The following RFPL3 variants were observed in gnomAD, a reference collection of about 807,000 sequenced individuals.
The protein encoded by RFPL3 is ret finger protein like 3.
In RFPL3, 8 loss-of-function variants were observed where a neutral mutation model predicts 8.7. The observed-to-expected ratio is 0.92, with a 90% CI of 0.54 to 1.66. The LOEUF (loss-of-function observed/expected upper bound fraction) is 1.66. Ranked by LOEUF, RFPL3 falls within the 40% of genes most tolerant of loss-of-function variation. RFPL3 has a pLI of 0.00. For synonymous variants in RFPL3, 145 were observed against 150.5 expected (o/e 0.96, Z 0.27); for missense variants, 341 against 395.0 (o/e 0.86, Z 1.16).
At position 32,360,855 on chromosome 22, in the gene RFPL3, G is replaced by C. The variant is rs1298258567; in HGVS notation, c.*23G>C. On this transcript the variant is annotated 3_prime_UTR_variant, in exon 2 of 2. Coordinates refer to ENST00000249007, the MANE Select transcript of RFPL3 (RefSeq NM_001098535.1). ...TAAGCCGCCACTGCAAAAAAAAACAGGGTCAGAAAATTACTTGGGTGGGTA... is the reference window on the plus strand; with the variant it reads ...TAAGCCGCCACTGCAAAAAAAAACACGGTCAGAAAATTACTTGGGTGGGTA... The C allele has an allele frequency of 1.2e-5, 18 of 1,505,866 alleles. No individual in the cohort carries two copies. The highest frequency in any genetic ancestry group is 1.6e-5 in the Non-Finnish European group (18 of 1,128,524). 93.3% of individuals were successfully genotyped at this position (1,505,866 alleles called of 1,614,324 possible).
rs1932722116 is a variant in RFPL3 at position 32,357,963 on chromosome 22, C to T, written c.-109C>T. 2 of 1,541,382 alleles carry T rather than the reference C, an allele frequency of 1.3e-6. No individual in the cohort carries two copies. Among genetic ancestry groups the T allele is most frequent in the African/African-American group, 2.8e-5 (2 of 72,608 alleles). On this transcript the variant is annotated 5_prime_UTR_variant, in exon 1 of 2. Transcript: ENST00000249007. ...GCACAGTGATGATTCGTGACTTTCC[C>T]AATAGAACTTCAAATCTCTGAGGAC...
In RFPL3 at chr22:32,360,496, G is replaced by A; in HGVS notation, c.618G>A (p.Lys206=). The change falls in exon 2 of 2, where the codon AAG becomes AAA. Residue 206 remains lysine (K), a synonymous_variant. Coordinates refer to ENST00000249007, the MANE Select transcript of RFPL3 (RefSeq NM_001098535.1). ...VCRESVHCKG[K]IQLTTELGFW... ...GAGAATCTGTTCACTGCAAAGGGAA[G>A]ATCCAGCTGACCACAGAGCTTGGAT... 1.2e-6 allele frequency: 2 copies of A among 1,613,986 alleles called. No homozygotes were observed. The highest frequency in any genetic ancestry group is 1.7e-6 in the Non-Finnish European group (2 of 1,179,866).
chr22:32,360,305 G>T lies in RFPL3; in HGVS notation c.427G>T (p.Asp143Tyr). ...CAACAACTTCCTCCTCATTTCTGAC[G>T]ACCTCAGGAGCGTCCGAAGTGGGCT... ...TANNFLLISD[D>Y]LRSVRSGLIT... The change falls in exon 2 of 2, where the codon GAC (aspartate) becomes TAC (tyrosine). Residue 143 changes from aspartate to tyrosine, a missense_variant. By Grantham distance (160) the Asp-to-Tyr change is radical. Coordinates refer to ENST00000249007, the MANE Select transcript of RFPL3 (RefSeq NM_001098535.1). The T allele has an allele frequency of 6.2e-7, 1 of 1,613,784 alleles. No homozygotes were observed. The highest frequency in any genetic ancestry group is 8.5e-7 in the Non-Finnish European group (1 of 1,179,808).
At position 32,358,242 on chromosome 22, in the gene RFPL3, C is replaced by T. The variant is rs757859838; in HGVS notation, c.171C>T (p.Cys57=). 2.5e-6 allele frequency: 4 copies of T among 1,613,984 alleles called. No homozygotes were observed. Among genetic ancestry groups the T allele is most frequent in the Admixed American group, 1.7e-5 (1 of 60,012 alleles). ...AACCAATGTCCCTGGAGTGTGGATG[C>T]ACCGTCTGCCTCAAGTGCATCAATT... ...LEKPMSLECG[C]TVCLKCINSL... The change falls in exon 1 of 2, where the codon TGC becomes TGT. Residue 57 remains cysteine, a synonymous_variant. Coordinates refer to ENST00000249007, the MANE Select transcript of RFPL3 (RefSeq NM_001098535.1).
chr22:32,356,793 G>C, upstream of RFPL3: 1 of 393,910 alleles, frequency 2.5e-6, no homozygotes, highest in Non-Finnish European at 5.0e-6. Flanking sequence ...GCTTCTGGCT[G>C]TGTGCTTGTT....
chr22:32,355,237 TA>T (rs1932625248), upstream of RFPL3, among the ~76,000 whole-genome samples: 1 of 147,910 alleles, frequency 6.8e-6, no homozygotes, highest in South Asian at 2.1e-4. Context: ...AACATGCAAA[TA>T]AAGCCCAATC....
At chr22:32,357,656 A>G (rs1932713179), upstream of RFPL3, among the ~76,000 whole-genome samples, 1 of 152,124 alleles carries the variant, frequency 6.6e-6, no homozygotes, top group African/African-American at 2.4e-5. Context: ...TTCAGTAGAG[A>G]TGGGGTTTCA....
chr22:32,358,329 G>C lies in RFPL3; in HGVS notation c.258G>C (p.Gln86His), dbSNP rs779301569. ...GCTGTTGCTGTTCCATGGTCTCTCAGAGGAACAAAATCAGGCCCAATCGGC... is the reference window on the plus strand; with the variant it reads ...GCTGTTGCTGTTCCATGGTCTCTCACAGGAACAAAATCAGGCCCAATCGGC... ...LLCCCCSMVS[Q>H]RNKIRPNRQL... The change falls in exon 1 of 2, where the codon CAG becomes CAC. Residue 86 changes from glutamine to histidine, a missense_variant. Coordinates refer to ENST00000249007, the MANE Select transcript of RFPL3 (RefSeq NM_001098535.1). 4 of 1,614,138 alleles carry C rather than the reference G, an allele frequency of 2.5e-6. No individual in the cohort carries two copies. In the East Asian group the frequency reaches 8.9e-5, roughly 36 times the overall value.
At position 32,360,287 on chromosome 22, in the gene RFPL3, TTCC is replaced by T. The variant is rs1268142583; in HGVS notation, c.415_417del (p.Leu139del). ...CTTGGATGCCGACACAGCCAACAACTTCCTCCTCATTTCTGACGACCTCAGGAG... is the reference window on the plus strand; with the variant it reads ...CTTGGATGCCGACACAGCCAACAACTTCCTCATTTCTGACGACCTCAGGAG... On this transcript the variant is annotated inframe_deletion, in exon 2 of 2. Transcript: ENST00000249007. 1.2e-5 allele frequency: 19 copies of T among 1,613,728 alleles called. No homozygotes were observed. The highest frequency in any genetic ancestry group is 1.5e-5 in the Non-Finnish European group (18 of 1,179,762).
In RFPL3 at chr22:32,358,563, C is replaced by T. The variant is rs1013991092; in HGVS notation, c.373+119C>T. ...CTGTCTGGCACCTAAAATTGAGATG[C>T]TTCATCATCACATTCTCAGCCCTGA... is the stretch of plus-strand genomic sequence containing the variant. On this transcript the variant is annotated intron_variant, in intron 1 of 1. Transcript: ENST00000249007. The T allele has an allele frequency of 3.6e-6, 5 of 1,388,390 alleles. No homozygotes were observed. In the Admixed American group the frequency reaches 9.1e-5, roughly 25 times the overall value. The allele number at this position is 1,388,390 out of a possible 1,614,324, so 86.0% of individuals were successfully genotyped here. A position where few individuals can be genotyped will look rare whatever the true frequency, so the allele number is the denominator to read the frequency against.
chr22:32,355,178 G>A (rs75041372), upstream of RFPL3, among the ~76,000 whole-genome samples: 10,813 of 152,090 alleles, frequency 0.071, 813 homozygotes, highest in East Asian at 0.45. Context: ...ATTGGACTTT[G>A]TTATCATGTT....
upstream of RFPL3, chr22:32,357,060 A>G (rs1179290894): frequency 2.7e-6 from 1 of 375,950 alleles, no homozygotes; most frequent in Non-Finnish European, 5.2e-6. Flanking sequence ...CAGTGTATGA[A>G]GAGGGGTCAG....
At chr22:32,356,054 C>G (rs1445652796), upstream of RFPL3, among the ~76,000 whole-genome samples, 1 of 152,026 alleles carries the variant, frequency 6.6e-6, no homozygotes, top group Non-Finnish European at 1.5e-5. Flanking sequence ...GAGGCGGGCC[C>G]CAAATGTAAG....
chr22:32,357,407 G>T (rs1281178202), upstream of RFPL3, among the ~76,000 whole-genome samples: 3 of 151,882 alleles, frequency 2.0e-5, no homozygotes, highest in Non-Finnish European at 4.4e-5. Context: ...TGGGCTCAAG[G>T]GATCTTCCTG....
chr22:32,360,899 T>C lies in RFPL3; in HGVS notation c.*67T>C, dbSNP rs1292586118. 4 of 1,448,100 alleles carry C rather than the reference T, an allele frequency of 2.8e-6. No individual in the cohort carries two copies. Among genetic ancestry groups the C allele is most frequent in the Non-Finnish European group, 3.7e-6 (4 of 1,078,320 alleles). The allele number at this position is 1,448,100 out of a possible 1,614,324, so 89.7% of individuals were successfully genotyped here. ...GTGGGTAGACTTAGGAATTTTCTAC[T>C]TGGTAAAAGCATTATACAGTCATAG... On this transcript the variant is annotated 3_prime_UTR_variant, in exon 2 of 2. Transcript: ENST00000249007.
At position 32,360,449 on chromosome 22, in the gene RFPL3, G is replaced by C; in HGVS notation, c.571G>C (p.Glu191Gln). The C allele has an allele frequency of 6.2e-7, 1 of 1,613,978 alleles. No individual in the cohort carries two copies. Among genetic ancestry groups the C allele is most frequent in the Non-Finnish European group, 8.5e-7 (1 of 1,179,888 alleles). Residue 191 changes from glutamate (E) to glutamine (Q), a missense_variant, in exon 2 of 2, where the codon GAA becomes CAA. Coordinates refer to ENST00000249007, the MANE Select transcript of RFPL3 (RefSeq NM_001098535.1). Reference protein sequence around the residue: ...YWEVDVGTSTEWDLGVCRESV... With the variant: ...YWEVDVGTSTQWDLGVCRESV... ...GGAGGTGGACGTGGGAACAAGCACA[G>C]AATGGGACCTGGGAGTCTGCAGAGA...
upstream of RFPL3, among the ~76,000 whole-genome samples, chr22:32,355,797 A>AAAG (rs1556020580): frequency 5.4e-3 from 798 of 147,700 alleles, 12 homozygotes; most frequent in African/African-American, 0.02. Context: ...AAAAAAAAAA[A>AAAG]AAAGAAAGAA....
rs1266544596 is a variant in RFPL3 at position 32,360,469 on chromosome 22, C to T, written c.591C>T (p.Cys197=). 2.5e-6 allele frequency: 4 copies of T among 1,613,822 alleles called. No individual in the cohort carries two copies. The South Asian group carries it at 3.3e-5, about 13-fold the overall frequency. Reference sequence around the variant, plus strand: ...GCACAGAATGGGACCTGGGAGTCTGCAGAGAATCTGTTCACTGCAAAGGGA... The same window carrying T: ...GCACAGAATGGGACCTGGGAGTCTGTAGAGAATCTGTTCACTGCAAAGGGA... ...GTSTEWDLGV[C]RESVHCKGKI... is the part of the protein sequence containing the mutation. The change falls in exon 2 of 2, where the codon TGC becomes TGT. Residue 197 remains cysteine, a synonymous_variant. Transcript: ENST00000249007.
At chr22:32,357,472 C>CT (rs3070381), upstream of RFPL3, among the ~76,000 whole-genome samples, 10,210 of 145,008 alleles carry the variant, frequency 0.07, 414 homozygotes, top group Admixed American at 0.11. Context: ...ATCCAGCCCC[C>CT]TTTTTTTTTT....
Sources: gnomAD v4.1 joint callset for allele counts (sites outside exome capture counted in the v4.1 genomes callset) on GRCh38, gnomAD v4.1.1 for gene constraint, MANE v1.5 for transcripts, NCBI Gene and HGNC (gene_info 2026-07-23, HGNC 2026-07-21) for gene names.